CTNND2: variants seen among roughly 807,000 people sequenced by gnomAD.
CTNND2 encodes catenin delta-2.
A neutral mutation model predicts 144.4 loss-of-function variants in CTNND2; 22 were observed. The ratio of observed to expected loss-of-function variants is 0.15; its 90% CI spans 0.11 to 0.22. The LOEUF (loss-of-function observed/expected upper bound fraction) is 0.22. CTNND2 is among the 10% of genes least tolerant of loss of function. CTNND2 has a pLI of 1.00. For synonymous variants in CTNND2, 751 were observed against 695.6 expected (o/e 1.08, Z -1.25); for missense variants, 1,353 against 1,618.8 (o/e 0.84, Z 2.82).
At chr5:11,200,722 A>G (rs2149829799) in intron 10 of CTNND2, among the ~76,000 whole-genome samples, 1 of 152,172 alleles carries the variant, frequency 6.6e-6, no homozygotes, top group African/African-American at 2.4e-5. Context: ...TCTGTCACCC[A>G]GGCTGGAGTG....
chr5:11,370,462 C>G (rs924504401), intron 7 of CTNND2, among the ~76,000 whole-genome samples: 4 of 152,162 alleles, frequency 2.6e-5, no homozygotes, highest in African/African-American at 9.7e-5. Flanking sequence ...AAAAAATAAG[C>G]ATCTAATGTG....
intron 15 of CTNND2, among the ~76,000 whole-genome samples, chr5:11,094,670 G>A (rs1239386067): frequency 6.6e-6 from 1 of 152,036 alleles, no homozygotes; most frequent in African/African-American, 2.4e-5. Flanking sequence ...AATAGAGACA[G>A]GGCCAGGATG....
At chr5:11,606,506 T>A (rs1780052897) in intron 2 of CTNND2, among the ~76,000 whole-genome samples, 1 of 151,992 alleles carries the variant, frequency 6.6e-6, no homozygotes, top group African/African-American at 2.4e-5. Flanking sequence ...TTTACTGAGA[T>A]AGAAAAACAT....
intron 15 of CTNND2, among the ~76,000 whole-genome samples, chr5:11,085,332 C>T (rs1750015438): frequency 6.6e-6 from 1 of 152,114 alleles, no homozygotes; most frequent in Non-Finnish European, 1.5e-5. Context: ...TAGAAAATAG[C>T]TTTCATTTTG....
chr5:11,081,088 A>ACACACACACACACACACT lies in CTNND2; in HGVS notation c.2788+1607_2788+1608insAGTGTGTGTGTGTGTGTG, dbSNP rs768076033. 7.1e-3 allele frequency among the ~76,000 whole-genome samples: 1,074 copies of ACACACACACACACACACT among 151,146 alleles called. 6 individuals are homozygous for ACACACACACACACACACT. Among genetic ancestry groups the ACACACACACACACACACT allele is most frequent in the Middle Eastern group, 0.014 (4 of 292 alleles). ...GAGACCCTGTCACACACACACACAC[A>ACACACACACACACACACT]CACACACACACACACACACTCACAC... On this transcript the variant is annotated intron_variant, in intron 16 of 21. Coordinates refer to ENST00000304623, the MANE Select transcript of CTNND2 (RefSeq NM_001332.4).
At chr5:11,591,795 C>G (rs149614372) in intron 2 of CTNND2, among the ~76,000 whole-genome samples, 47 of 152,078 alleles carry the variant, frequency 3.1e-4, no homozygotes, top group African/African-American at 1.1e-3. Flanking sequence ...TTCTTTGTTT[C>G]TTACTTTTTA....
chr5:11,046,649 G>A (rs1432701884), intron 16 of CTNND2, among the ~76,000 whole-genome samples: 1 of 152,170 alleles, frequency 6.6e-6, no homozygotes, highest in East Asian at 1.9e-4. Context: ...CACGGAATTT[G>A]CCATTTCACT....
chr5:11,531,064 G>A (rs1412904397), intron 3 of CTNND2, among the ~76,000 whole-genome samples: 1 of 152,196 alleles, frequency 6.6e-6, no homozygotes, highest in East Asian at 1.9e-4. Flanking sequence ...TACTCTACTG[G>A]CAAGAGATGA....
At chr5:11,129,995 A>G (rs1755404103) in intron 12 of CTNND2, among the ~76,000 whole-genome samples, 1 of 152,134 alleles carries the variant, frequency 6.6e-6, no homozygotes, top group Non-Finnish European at 1.5e-5. Context: ...CAGCCAAGTC[A>G]GAATAATTCC....
chr5:11,751,793 G>A (rs564422939), intron 1 of CTNND2, among the ~76,000 whole-genome samples: 13 of 152,040 alleles, frequency 8.6e-5, no homozygotes, highest in Admixed American at 1.3e-4. Context: ...TCGCCACACT[G>A]CTTACTACAA....
At chr5:11,769,693 T>C (rs1366394953) in intron 1 of CTNND2, among the ~76,000 whole-genome samples, 6 of 152,296 alleles carry the variant, frequency 3.9e-5, no homozygotes, top group Non-Finnish European at 8.8e-5. Flanking sequence ...ACAGTACATA[T>C]ATGCAAATTA....
At chr5:11,782,438 C>T (rs1790591542) in intron 1 of CTNND2, among the ~76,000 whole-genome samples, 1 of 152,030 alleles carries the variant, frequency 6.6e-6, no homozygotes. Flanking sequence ...ATCCAGATAT[C>T]TGAATGCACA....
chr5:11,050,860 A>G (rs1024530704), intron 16 of CTNND2, among the ~76,000 whole-genome samples: 1 of 152,140 alleles, frequency 6.6e-6, no homozygotes, highest in African/African-American at 2.4e-5. Flanking sequence ...CACCCCAACC[A>G]ATCACCAGGG....
intron 16 of CTNND2, among the ~76,000 whole-genome samples, chr5:11,026,553 C>T (rs1267463442): frequency 2.0e-5 from 3 of 151,872 alleles, no homozygotes; most frequent in Non-Finnish European, 4.4e-5. Context: ...GATGGGGTTT[C>T]ACCATGTTAG....
chr5:11,085,359 T>C (rs1484108800), intron 15 of CTNND2, among the ~76,000 whole-genome samples: 2 of 152,240 alleles, frequency 1.3e-5, no homozygotes, highest in African/African-American at 2.4e-5. Flanking sequence ...TAGTTATGTG[T>C]ATGTTTGTGT....
intron 9 of CTNND2, among the ~76,000 whole-genome samples, chr5:11,254,918 T>A (rs1004399823): frequency 1.4e-4 from 21 of 152,146 alleles, no homozygotes; most frequent in Admixed American, 1.2e-3. Context: ...CTACATTAGG[T>A]CAAAACACTG....
At chr5:11,472,343 A>G (rs1423767747) in intron 3 of CTNND2, among the ~76,000 whole-genome samples, 1 of 152,172 alleles carries the variant, frequency 6.6e-6, no homozygotes, top group African/African-American at 2.4e-5. Flanking sequence ...TAACTATTTT[A>G]TCATTTTACT....
intron 2 of CTNND2, among the ~76,000 whole-genome samples, chr5:11,690,098 C>A (rs1784825031): frequency 6.6e-6 from 1 of 152,072 alleles, no homozygotes; most frequent in African/African-American, 2.4e-5. Flanking sequence ...TTCAAATTGC[C>A]TCAATTATAA....
At chr5:11,322,489 C>T (rs1364853342) in intron 9 of CTNND2, among the ~76,000 whole-genome samples, 2 of 152,102 alleles carry the variant, frequency 1.3e-5, no homozygotes, top group African/African-American at 2.4e-5. Context: ...ATGCACTATC[C>T]CACACAAGAG....
Sources: gnomAD v4.1 joint callset for allele counts (sites outside exome capture counted in the v4.1 genomes callset) on GRCh38, gnomAD v4.1.1 for gene constraint, MANE v1.5 for transcripts, NCBI Gene and HGNC (gene_info 2026-07-23, HGNC 2026-07-21) for gene names.